The following CSMD3 variants were observed in gnomAD, a reference collection of about 807,000 sequenced individuals.
The protein encoded by CSMD3 is CUB and Sushi multiple domains 3.
In CSMD3, 177 loss-of-function variants were observed where a neutral mutation model predicts 435.2. The observed-to-expected ratio is 0.41, with a 90% confidence interval of 0.36 to 0.46. The LOEUF is 0.46. Among genes scored for constraint, CSMD3 ranks in the 20% least tolerant of loss-of-function variants. CSMD3 has a pLI of 0.34. For missense variants in CSMD3, 4,265 were observed against 4,504.6 expected (o/e 0.95, Z 1.52); for synonymous variants, 1,656 against 1,520.5 (o/e 1.09, Z -2.07).
chr8:112,550,982 T>C (rs1042262522), intron 26 of CSMD3, 109 bp from the exon 27 acceptor site: 3 of 769,464 alleles, frequency 3.9e-6, no homozygotes, highest in Non-Finnish European at 6.8e-6. Context: ...TTTTTTGCTA[T>C]GTGTTAAAAA....
At chr8:112,610,011 T>C (rs1833132500) in intron 22 of CSMD3, among the ~76,000 whole-genome samples, 1 of 151,372 alleles carries the variant, frequency 6.6e-6, no homozygotes, top group Non-Finnish European at 1.5e-5. Context: ...TTAACAAAGG[T>C]GGGGGGTAGG....
chr8:112,312,284 C>T (rs555000995), intron 49 of CSMD3, among the ~76,000 whole-genome samples: 4 of 152,048 alleles, frequency 2.6e-5, no homozygotes, highest in South Asian at 4.2e-4. Flanking sequence ...GAAGAAGTTT[C>T]GCTCTTGTTG....
chr8:113,209,230 A>G (rs1216809103), intron 3 of CSMD3, among the ~76,000 whole-genome samples: 1 of 152,140 alleles, frequency 6.6e-6, no homozygotes, highest in Non-Finnish European at 1.5e-5. Flanking sequence ...GAAGCAGGCA[A>G]TGTGCTTTTT....
chr8:112,625,249 T>A (rs190773930), intron 22 of CSMD3, among the ~76,000 whole-genome samples: 2 of 152,174 alleles, frequency 1.3e-5, no homozygotes, highest in East Asian at 3.9e-4. Flanking sequence ...TTACCTTTTA[T>A]AGGTACAAGG....
Position 112,295,858 on chromosome 8 carries a change from C to T in CSMD3, c.8589G>A (p.Trp2863Ter). Reference protein sequence around the residue: ...SVRICQQDHNWSGQLPSCVPV... With the variant: ...SVRICQQDHN ...GCACACAGGATGGGAGCTGACCAGA[C>T]CAATTGTGATCCTGTTGACATATCC... is the stretch of plus-strand genomic sequence containing the variant. The change falls in exon 54 of 71, where the codon TGG becomes TGA. Residue 2863 changes from tryptophan (W) to a stop codon, truncating the protein, a stop_gained. Transcript: ENST00000297405. LOFTEE classifies it high-confidence loss of function. The T allele has an allele frequency of 6.2e-7, 1 of 1,613,936 alleles. No individual in the cohort carries two copies. Among genetic ancestry groups the T allele is most frequent in the South Asian group, 1.1e-5 (1 of 91,066 alleles).
At chr8:112,320,887 T>C (rs1430755647) in intron 45 of CSMD3, among the ~76,000 whole-genome samples, 2 of 152,090 alleles carry the variant, frequency 1.3e-5, no homozygotes, top group Admixed American at 1.3e-4. Context: ...TTATGAGATA[T>C]CTGTTTATCA....
chr8:113,025,530 C>T (rs2086844652), intron 5 of CSMD3, among the ~76,000 whole-genome samples: 1 of 152,060 alleles, frequency 6.6e-6, no homozygotes, highest in South Asian at 2.1e-4. Context: ...TCCACTAGGC[C>T]AGCTATATTG....
chr8:112,364,452 C>A (rs1216743482), intron 38 of CSMD3, among the ~76,000 whole-genome samples: 2 of 151,964 alleles, frequency 1.3e-5, no homozygotes, highest in Admixed American at 6.6e-5. Context: ...CTTCATGCAG[C>A]CTTCTCTTTT....
At chr8:113,097,521 CCTTT>C (rs1472845971) in intron 5 of CSMD3, among the ~76,000 whole-genome samples, 1 of 151,974 alleles carries the variant, frequency 6.6e-6, no homozygotes, top group Non-Finnish European at 1.5e-5. Context: ...TCCCAGTCTT[CCTTT>C]GTTTTCTCAT....
chr8:112,828,134 A>G (rs1208767295), intron 12 of CSMD3, among the ~76,000 whole-genome samples: 1 of 152,166 alleles, frequency 6.6e-6, no homozygotes. Context: ...CTACAATAAG[A>G]TTTAGTAGAA....
At chr8:113,097,006 G>A (rs1339402240) in intron 5 of CSMD3, among the ~76,000 whole-genome samples, 1 of 151,946 alleles carries the variant, frequency 6.6e-6, no homozygotes, top group Non-Finnish European at 1.5e-5. Flanking sequence ...TTTTGTTCTA[G>A]ATTCAGCTTT....
intron 28 of CSMD3, among the ~76,000 whole-genome samples, chr8:112,512,115 CA>C (rs1294321680): frequency 2.6e-5 from 4 of 152,152 alleles, no homozygotes; most frequent in Non-Finnish European, 5.9e-5. Context: ...GGGTTAGAAT[CA>C]ACTTCTGCCA....
intron 13 of CSMD3, among the ~76,000 whole-genome samples, chr8:112,786,975 C>T (rs931895260): frequency 7.2e-5 from 11 of 152,092 alleles, no homozygotes; most frequent in Non-Finnish European, 1.2e-4. Context: ...TGAGTGAGAA[C>T]ATGCAGTGTT....
In CSMD3 at chr8:112,341,800, G is replaced by T. The variant is rs78959105; in HGVS notation, c.6443-114C>A. 2.2e-3 allele frequency: 1,663 copies of T among 764,272 alleles called. 15 individuals carry two copies. In the African/African-American group the frequency reaches 0.023, roughly 10 times the overall value. The allele number at this position is 764,272 out of a possible 1,614,324, so 47.3% of individuals were successfully genotyped here. ...AGATAAGTTTGCATTTAAGTCAAGA[G>T]GCATAATCTCAAGATCTGAGTCATG... is the stretch of plus-strand genomic sequence containing the variant. On this transcript the variant is annotated intron_variant, in intron 41 of 70. Coordinates refer to ENST00000297405, the MANE Select transcript of CSMD3 (RefSeq NM_198123.2).
chr8:112,261,426 C>T lies in CSMD3; in HGVS notation c.9862+2213G>A, dbSNP rs944840878. Among the ~76,000 whole-genome samples the T allele has an allele frequency of 2.6e-5, 4 of 151,954 alleles. No homozygotes were observed. The East Asian group carries it at 5.8e-4, about 22-fold the overall frequency. On this transcript the variant is annotated intron_variant, in intron 61 of 70. Transcript: ENST00000297405. ...TGTAGGCATCACCCAGAAAGCATCC[C>T]TTTTCTTAGGCCCAGGGTAGCATAC...
At chr8:112,294,086 C>T (rs1021577606) in intron 54 of CSMD3, among the ~76,000 whole-genome samples, 1 of 150,658 alleles carries the variant, frequency 6.6e-6, no homozygotes, top group African/African-American at 2.5e-5. Context: ...AATCAATTTG[C>T]TTGGGGGGGG....
intron 4 of CSMD3, among the ~76,000 whole-genome samples, chr8:113,100,854 C>CA (rs2090308231): frequency 6.6e-6 from 1 of 152,106 alleles, no homozygotes; most frequent in African/African-American, 2.4e-5. Context: ...AAATTAACTT[C>CA]ATTTTGATTA....
chr8:112,935,211 T>A (rs946793671), intron 9 of CSMD3, among the ~76,000 whole-genome samples: 2 of 152,096 alleles, frequency 1.3e-5, no homozygotes, highest in African/African-American at 4.8e-5. Context: ...CGGCTTTAAA[T>A]GCATGAGTTT....
chr8:112,606,801 G>C (rs1832825390), intron 22 of CSMD3, among the ~76,000 whole-genome samples: 1 of 151,992 alleles, frequency 6.6e-6, no homozygotes, highest in South Asian at 2.1e-4. Context: ...ATGGTTAAAA[G>C]AAGAAATCAA....
Sources: gnomAD v4.1 joint callset for allele counts (sites outside exome capture counted in the v4.1 genomes callset) on GRCh38, gnomAD v4.1.1 for gene constraint, MANE v1.5 for transcripts, NCBI Gene and HGNC (gene_info 2026-07-23, HGNC 2026-07-21) for gene names.